The following ZNF568 variants were observed in gnomAD, a reference collection of about 807,000 sequenced individuals.
ZNF568 encodes the protein p53 inhibitor of SCO2 activation.
Under a neutral mutation model 18.1 loss-of-function variants are expected in ZNF568, and 11 were observed. The observed-to-expected ratio is 0.61, with a 90% CI of 0.38 to 1.00. ZNF568 has a LOEUF of 1.00. ZNF568 is among the 50% of genes least tolerant of loss of function. The probability of loss-of-function intolerance (pLI) is 0.01; values close to 1 mark genes in which losing one functional copy is unlikely to be tolerated. For synonymous variants in ZNF568, 213 were observed against 246.6 expected (o/e 0.86, Z 1.28); for missense variants, 639 against 768.2 (o/e 0.83, Z 1.99).
chr19:36,997,142 G>T (rs1220418159), exon 5 of ZNF568: 2 of 1,578,878 alleles, frequency 1.3e-6, no homozygotes, highest in African/African-American at 1.4e-5. Context: ...TGCAGGGAGT[G>T]TGGAAAGGTG....
At chr19:36,938,843 G>A (rs2146293653) in intron 6 of ZNF568, among the ~76,000 whole-genome samples, 1 of 152,168 alleles carries the variant, frequency 6.6e-6, no homozygotes, top group East Asian at 1.9e-4. Flanking sequence ...GCTTTATGAG[G>A]CTATGCCTTG....
At chr19:36,953,661 C>T (rs2074085587), downstream of ZNF568, among the ~76,000 whole-genome samples, 1 of 152,172 alleles carries the variant, frequency 6.6e-6, no homozygotes, top group African/African-American at 2.4e-5. Context: ...CCTGTAAACC[C>T]AGCGCTTTGG....
At chr19:36,991,348 A>G (rs936924370) in intron 3 of ZNF568, 26 of 1,470,676 alleles carry the variant, frequency 1.8e-5, no homozygotes, top group Non-Finnish European at 2.2e-5. Context: ...CAAACACACA[A>G]TTGGCCTTCT....
chr19:36,957,758 T>C (rs2074118942), intron 6 of ZNF568, among the ~76,000 whole-genome samples: 1 of 152,178 alleles, frequency 6.6e-6, no homozygotes, highest in South Asian at 2.1e-4. Context: ...GCAAGATTGA[T>C]TTACAGGGTT....
At chr19:36,991,562 T>G (rs1015429050) in intron 3 of ZNF568, 14 of 624,644 alleles carry the variant, frequency 2.2e-5, no homozygotes, top group Admixed American at 3.3e-5. Context: ...AATGGTTAAG[T>G]GGAATCACAT....
chr19:36,923,859 C>T (rs1432151104), intron 3 of ZNF568, among the ~76,000 whole-genome samples: 4 of 152,098 alleles, frequency 2.6e-5, no homozygotes, highest in Non-Finnish European at 5.9e-5. Flanking sequence ...CCTCCTCCCA[C>T]CTTCACTTAA....
At chr19:36,985,662 A>G (rs1453172452) in intron 2 of ZNF568, among the ~76,000 whole-genome samples, 1 of 152,124 alleles carries the variant, frequency 6.6e-6, no homozygotes, top group East Asian at 1.9e-4. Context: ...ATCTGGGACT[A>G]CAGGTGCGCA....
chr19:36,950,340 G>A lies in ZNF568; in HGVS notation c.1187G>A (p.Gly396Glu), dbSNP rs773689819. The change falls in exon 7 of 7, where the codon GGA (glycine) becomes GAA (glutamate). Residue 396 changes from glycine to glutamate, a missense_variant. Transcript: ENST00000333987. ...GEKPYKCNKC[G>E]KAFSQCSVFI... ...AAACCCTATAAATGTAATAAATGTG[G>A]AAAAGCTTTCTCTCAATGCTCAGTA... 3 of 1,613,858 alleles carry A rather than the reference G, an allele frequency of 1.9e-6. No homozygotes were observed. In the South Asian group the frequency reaches 3.3e-5, roughly 18 times the overall value.
At chr19:36,962,373 C>A (rs1036387062) in intron 6 of ZNF568, among the ~76,000 whole-genome samples, 1 of 127,264 alleles carries the variant, frequency 7.9e-6, no homozygotes, top group African/African-American at 2.9e-5. Flanking sequence ...CACAGTTTCA[C>A]TCTGCCACCC....
intron 3 of ZNF568, 128 bp from the exon 4 acceptor site, chr19:36,925,072 G>T: frequency 1.3e-6 from 1 of 758,318 alleles, no homozygotes. Flanking sequence ...CTAGATGGCA[G>T]TTAACATTTC....
At chr19:36,996,999 A>G (rs1223932192) in exon 5 of ZNF568, 3 of 1,549,466 alleles carry the variant, frequency 1.9e-6, no homozygotes, top group South Asian at 1.2e-5. Context: ...CCCGTCCCTC[A>G]CACCTTTTTC....
chr19:36,929,819 A>G (rs1247116428), intron 4 of ZNF568, among the ~76,000 whole-genome samples: 1 of 151,952 alleles, frequency 6.6e-6, no homozygotes, highest in East Asian at 1.9e-4. Flanking sequence ...GCACTGCTCC[A>G]GCTTAGGTGA....
chr19:36,995,694 A>T (rs2074464264), intron 4 of ZNF568, among the ~76,000 whole-genome samples: 1 of 150,826 alleles, frequency 6.6e-6, no homozygotes, highest in Non-Finnish European at 1.5e-5. Flanking sequence ...TTTCGTATAC[A>T]GTAGTCTTTG....
At chr19:36,991,463 G>A in intron 3 of ZNF568, 1 of 1,023,038 alleles carries the variant, frequency 9.8e-7, no homozygotes, top group East Asian at 2.7e-5. Flanking sequence ...CTCTTGTGAA[G>A]TTGGAAATTG....
intron 1 of ZNF568, among the ~76,000 whole-genome samples, chr19:36,917,113 T>C (rs1401357086): frequency 2.0e-5 from 3 of 152,228 alleles, no homozygotes; most frequent in African/African-American, 7.2e-5. Context: ...AGCAAGTCCT[T>C]ACTCTCCTGT....
chr19:36,946,494 C>A (rs1335354979), intron 6 of ZNF568, among the ~76,000 whole-genome samples: 2 of 151,880 alleles, frequency 1.3e-5, no homozygotes, highest in Admixed American at 6.6e-5. Flanking sequence ...TTAAATGATA[C>A]CCTCAAAATT....
chr19:36,932,199 T>A (rs2073698167), intron 4 of ZNF568, among the ~76,000 whole-genome samples: 1 of 152,250 alleles, frequency 6.6e-6, no homozygotes. Flanking sequence ...TGTACAAGTT[T>A]TTATGTGGTC....
chr19:36,957,239 T>C (rs2074114526), downstream of ZNF568, among the ~76,000 whole-genome samples: 1 of 145,678 alleles, frequency 6.9e-6, no homozygotes, highest in Non-Finnish European at 1.5e-5. Flanking sequence ...TTTTTTTTTT[T>C]TTTTTTTTTT....
intron 4 of ZNF568, among the ~76,000 whole-genome samples, chr19:36,994,397 T>C (rs1423274750): frequency 6.6e-6 from 1 of 152,244 alleles, no homozygotes; most frequent in Non-Finnish European, 1.5e-5. Flanking sequence ...TTGAGTGGAA[T>C]GTTCTACAAA....
Sources: allele counts gnomAD v4.1 joint callset (sites outside exome capture counted in the v4.1 genomes callset), GRCh38; gene constraint gnomAD v4.1.1; transcripts MANE v1.5; gene names NCBI Gene and HGNC (gene_info 2026-07-23, HGNC 2026-07-21).